PCBD1: variants seen among roughly 807,000 people sequenced by gnomAD.
The protein encoded by PCBD1 is pterin-4-alpha-carbinolamine dehydratase.
A neutral mutation model predicts 12.6 loss-of-function variants in PCBD1; 16 were observed. The observed-to-expected ratio is 1.27, with a 90% CI of 0.86 to 1.93. The LOEUF (loss-of-function observed/expected upper bound fraction) is 1.93, where lower values mean the gene tolerates loss of function less well. Ranked by LOEUF, PCBD1 falls within the 30% of genes most tolerant of loss-of-function variation. PCBD1 has a pLI of 0.00. For missense variants in PCBD1, 86 were observed against 130.1 expected (o/e 0.66, Z 1.65); for synonymous variants, 53 against 50.2 (o/e 1.05, Z -0.23).
intron 2 of PCBD1, 113 bp downstream of exon 2, chr10:70,885,685 T>G: frequency 2.3e-6 from 3 of 1,306,628 alleles, no homozygotes; most frequent in Non-Finnish European, 3.3e-6. Context: ...AATAACTGGA[T>G]GAGTGTGGTG....
At chr10:70,884,167 C>T in intron 3 of PCBD1, 119 bp from the exon 4 acceptor site, 1 of 883,852 alleles carries the variant, frequency 1.1e-6, no homozygotes, top group Non-Finnish European at 1.8e-6. Context: ...AGTACGATCT[C>T]TCCTGGGGAC....
In PCBD1 at chr10:70,885,225, C is replaced by T; in HGVS notation, c.143G>A (p.Gly48Glu). The change falls in exon 3 of 4, where the codon GGG (glycine) becomes GAG (glutamate). Residue 48 changes from glycine to glutamate, a missense_variant. Physicochemically the swap from Gly to Glu is moderately conservative, Grantham distance 98. Transcript: ENST00000299299. Reference sequence around the variant, plus strand: ...CTGCAGGGCCACTCTTGTCATGAACCCAAAGGCCTATTTAAGTGGAGTGAG... The same window carrying T: ...CTGCAGGGCCACTCTTGTCATGAACTCAAAGGCCTATTTAAGTGGAGTGAG... ...FHFKDFNRAF[G>E]FMTRVALQAE... 1 of 1,613,852 alleles carries T rather than the reference C, an allele frequency of 6.2e-7. No homozygotes were observed. The highest frequency in any genetic ancestry group is 8.5e-7 in the Non-Finnish European group (1 of 1,179,762).
rs1400249742 is a variant in PCBD1 at position 70,888,433 on chromosome 10, A to T, written c.3+98T>A. Reference sequence around the variant, plus strand: ...TCGGACCCCGGCGGCTCCGCAGGGGACTCGAAAAGACTTTCCCCCGCCCCT... The same window carrying T: ...TCGGACCCCGGCGGCTCCGCAGGGGTCTCGAAAAGACTTTCCCCCGCCCCT... On this transcript the variant is annotated intron_variant, in intron 1 of 3. Transcript: ENST00000299299. 2.2e-6 allele frequency: 3 copies of T among 1,355,832 alleles called. No homozygotes were observed. The Admixed American group carries it at 8.2e-5, about 37-fold the overall frequency. The allele number at this position is 1,355,832 out of a possible 1,614,324, so 84.0% of individuals were successfully genotyped here. A position where few individuals can be genotyped will look rare whatever the true frequency, so the allele number is the denominator to read the frequency against.
At chr10:70,888,424 C>G in intron 1 of PCBD1, 107 bp downstream of exon 1, 3 of 1,316,858 alleles carry the variant, frequency 2.3e-6, no homozygotes, top group East Asian at 6.3e-5. Flanking sequence ...CCCGGCGGCT[C>G]CGCAGGGGAC....
chr10:70,888,497 T>C, intron 1 of PCBD1, 34 bp downstream of exon 1: 1 of 1,446,502 alleles, frequency 6.9e-7, no homozygotes, highest in Non-Finnish European at 9.1e-7. Flanking sequence ...CCGGCCCCGC[T>C]GCCCCGATCG....
chr10:70,887,698 G>GA (rs1193191271), intron 1 of PCBD1, among the ~76,000 whole-genome samples: 1 of 152,172 alleles, frequency 6.6e-6, no homozygotes, highest in Non-Finnish European at 1.5e-5. Context: ...CAGAGAGGGG[G>GA]ACGCTGCCCC....
chr10:70,882,672 TTACTC>T (rs1846517932), downstream of PCBD1, among the ~76,000 whole-genome samples: 3 of 152,200 alleles, frequency 2.0e-5, no homozygotes, highest in South Asian at 6.2e-4. Flanking sequence ...ACAGTCGGCT[TTACTC>T]AGTCTACTGA....
At chr10:70,886,369 C>G (rs932961826) in intron 1 of PCBD1, among the ~76,000 whole-genome samples, 17 of 152,186 alleles carry the variant, frequency 1.1e-4, no homozygotes, top group African/African-American at 3.6e-4. Flanking sequence ...ACTCTCCCCC[C>G]TTCCTTTTCC....
At chr10:70,882,594 C>T (rs1443499136), downstream of PCBD1, 2 of 152,192 alleles carry the variant, frequency 1.3e-5, no homozygotes, top group Non-Finnish European at 2.9e-5. Flanking sequence ...AGAGGGTCAG[C>T]CCTTTTTAGC....
Position 70,885,940 on chromosome 10 carries a change from G to GA in PCBD1, c.4-12dup, listed in dbSNP as rs774597483. On this transcript the variant is annotated splice_polypyrimidine_tract_variant and intron_variant, in intron 1 of 3. Coordinates refer to ENST00000299299, the MANE Select transcript of PCBD1 (RefSeq NM_000281.4). The stretch of plus-strand genomic sequence containing the variant: ...GTGTGCTTTGCCAGCCTAGAAGAGG[G>GA]AAAAAAACAGAGGCCCAAGGGCATT... 5.6e-6 allele frequency: 9 copies of GA among 1,613,188 alleles called. No homozygotes were observed. Among genetic ancestry groups the GA allele is most frequent in the Non-Finnish European group, 7.6e-6 (9 of 1,179,792 alleles).
rs903155921 is a variant in PCBD1, at chr10:70,885,677, T to C, written c.135+121A>G. The stretch of plus-strand genomic sequence containing the variant: ...TTTCCCCACTGGCACAGTGCCCAAA[T>C]AACTGGATGAGTGTGGTGTCTGAGA... On this transcript the variant is annotated intron_variant, in intron 2 of 3. Transcript: ENST00000299299. 21 of 1,268,820 alleles carry C rather than the reference T, an allele frequency of 1.7e-5. 1 individual carries two copies. The highest frequency in any genetic ancestry group is 1.6e-4 in the African/African-American group (11 of 68,140). The allele number at this position is 1,268,820 out of a possible 1,614,324, so 78.6% of individuals were successfully genotyped here. A position where few individuals can be genotyped will look rare whatever the true frequency, so the allele number is the denominator to read the frequency against.
At chr10:70,888,245 C>T (rs548986297) in intron 1 of PCBD1, 1 of 338,030 alleles carries the variant, frequency 3.0e-6, no homozygotes, top group Admixed American at 5.0e-5. Context: ...CCAGGAAGGT[C>T]GTAGGCCCCG....
rs1000165736 is a variant in PCBD1, at chr10:70,886,020, A to C, written c.4-91T>G. 5 of 1,522,440 alleles carry C rather than the reference A, an allele frequency of 3.3e-6. No individual in the cohort carries two copies. The African/African-American group carries it at 5.5e-5, about 17-fold the overall frequency. The allele number at this position is 1,522,440 out of a possible 1,614,324, so 94.3% of individuals were successfully genotyped here. ...CAACCTTTAGGGGAACTTAGCTTCC[A>C]CTGGCTGCTTTGGACGTGGGTGACC... On this transcript the variant is annotated intron_variant, in intron 1 of 3. Coordinates refer to ENST00000299299, the MANE Select transcript of PCBD1 (RefSeq NM_000281.4).
rs1846530999 is a variant in PCBD1, at chr10:70,883,588, T to C, written c.*362A>G. 1 of 1,178,840 alleles carries C rather than the reference T, an allele frequency of 8.5e-7. No homozygotes were observed. The allele number at this position is 1,178,840 out of a possible 1,614,324, so 73.0% of individuals were successfully genotyped here. A position where few individuals can be genotyped will look rare whatever the true frequency, so the allele number is the denominator to read the frequency against. On this transcript the variant is annotated 3_prime_UTR_variant, in exon 4 of 4. Coordinates refer to ENST00000299299, the MANE Select transcript of PCBD1 (RefSeq NM_000281.4). ...CATAGTGTGGGGTTTAGGGTCCTGG[T>C]TTCTAAGACAAGACTTTATTTCACC...
At chr10:70,886,561 T>C (rs1356910871) in intron 1 of PCBD1, among the ~76,000 whole-genome samples, 1 of 152,232 alleles carries the variant, frequency 6.6e-6, no homozygotes, top group Non-Finnish European at 1.5e-5. Flanking sequence ...AGGAGCTACA[T>C]TTAAAATAAG....
In PCBD1 at chr10:70,888,539, G is replaced by A; in HGVS notation, c.-6C>T. ...CGCACCCCTGGACTCACCATGGCGC[G>A]GGCGGCAGCAGGTGGCCAGCGGAGA... On this transcript the variant is annotated 5_prime_UTR_variant, in exon 1 of 4. Transcript: ENST00000299299. 1 of 1,256,676 alleles carries A rather than the reference G, an allele frequency of 8.0e-7. No homozygotes were observed. Among genetic ancestry groups the A allele is most frequent in the Non-Finnish European group, 1.0e-6 (1 of 999,560 alleles). 77.8% of individuals were successfully genotyped at this position (1,256,676 alleles called of 1,614,324 possible).
At chr10:70,886,534 T>C (rs974962295) in intron 1 of PCBD1, among the ~76,000 whole-genome samples, 1 of 152,210 alleles carries the variant, frequency 6.6e-6, no homozygotes, top group Non-Finnish European at 1.5e-5. Flanking sequence ...TGTGTCAGCA[T>C]TGCTGGGGCT....
Position 70,885,822 on chromosome 10 carries a change from C to T in PCBD1, c.111G>A (p.Gln37=). ...CCCTGTTGAAGTCTTTGAAATGAAACTGCTTGAAGATGGCATCACGGCCTT... is the reference window on the plus strand; with the variant it reads ...CCCTGTTGAAGTCTTTGAAATGAAATTGCTTGAAGATGGCATCACGGCCTT... ...ELEGRDAIFK[Q]FHFKDFNRAF... The change falls in exon 2 of 4, where the codon CAG becomes CAA. Residue 37 remains glutamine, a synonymous_variant. Coordinates refer to ENST00000299299, the MANE Select transcript of PCBD1 (RefSeq NM_000281.4). The T allele has an allele frequency of 6.2e-7, 1 of 1,613,982 alleles. No homozygotes were observed. Among genetic ancestry groups the T allele is most frequent in the South Asian group, 1.1e-5 (1 of 91,026 alleles).
downstream of PCBD1, among the ~76,000 whole-genome samples, chr10:70,882,844 G>T (rs1329786408): frequency 6.6e-6 from 1 of 152,242 alleles, no homozygotes; most frequent in Non-Finnish European, 1.5e-5. Context: ...TCTGAAAGGT[G>T]TGAGACCAGA....
Sources: allele counts gnomAD v4.1 joint callset (sites outside exome capture counted in the v4.1 genomes callset), GRCh38; gene constraint gnomAD v4.1.1; transcripts MANE v1.5; gene names NCBI Gene and HGNC (gene_info 2026-07-23, HGNC 2026-07-21).